Variants in COBLL1 observed in about 807,000 individuals in gnomAD.
COBLL1 encodes the protein cordon-bleu WH2 repeat protein like 1.
COBLL1 carries 50 observed loss-of-function variants against 94.8 expected under a neutral mutation model. The observed-to-expected ratio is 0.53, with a 90% CI of 0.42 to 0.67. The LOEUF is 0.67. Among genes scored for constraint, COBLL1 ranks in the 30% least tolerant of loss-of-function variants. The pLI is 0.00. For missense variants in COBLL1, 1,362 were observed against 1,348.7 expected (o/e 1.01, Z -0.15); for synonymous variants, 448 against 473.8 (o/e 0.95, Z 0.71).
At chr2:164,686,148 C>A in intron 13 of COBLL1, 116 bp from the exon 14 acceptor site, 1 of 504,084 alleles carries the variant, frequency 2.0e-6, no homozygotes, top group Non-Finnish European at 3.6e-6. Context: ...TGATAAGTAT[C>A]TATTATTCAA....
chr2:164,771,063 TTTC>T (rs1688178838), intron 2 of COBLL1, among the ~76,000 whole-genome samples: 1 of 152,102 alleles, frequency 6.6e-6, no homozygotes, highest in African/African-American at 2.4e-5. Context: ...CTTACAATAT[TTTC>T]TTAATTGCCT....
intron 7 of COBLL1, chr2:164,721,842 T>G (rs1186732353): frequency 3.5e-6 from 1 of 285,948 alleles, no homozygotes; most frequent in African/African-American, 2.2e-5. Context: ...TTACTTAAAA[T>G]GGACATTTAT....
In COBLL1 at chr2:164,695,327, C is replaced by T. The variant is rs2105431632; in HGVS notation, c.2065G>A (p.Val689Ile). 6.2e-7 allele frequency: 1 copy of T among 1,613,878 alleles called. No individual in the cohort carries two copies. The highest frequency in any genetic ancestry group is 1.3e-5 in the African/African-American group (1 of 74,988). The change falls in exon 12 of 14, where the codon GTA (valine) becomes ATA (isoleucine). Residue 689 changes from valine (V) to isoleucine (I), a missense_variant. Transcript: ENST00000652658. ...AHGNDDLLPP[V>I]DRIDKNSTAS... The stretch of plus-strand genomic sequence containing the variant: ...GTGGAATTTTTGTCAATCCTATCTA[C>T]AGGAGGCAAAAGATCATCATTACCA...
rs71028444 is a variant in COBLL1 at position 164,805,337 on chromosome 2, C to CTATATATATATATATA, written c.41+35803_41+35818dup. ...TCTCTCTCTCTCTCTCTCTCTCTCT[C>CTATATATATATATATA]TATATATATATATATATATATATAT... On this transcript the variant is annotated intron_variant, in intron 2 of 13. Transcript: ENST00000652658. Among the ~76,000 whole-genome samples the CTATATATATATATATA allele has an allele frequency of 5.1e-3, 86 of 16,988 alleles. 6 individuals are homozygous for CTATATATATATATATA. The highest frequency in any genetic ancestry group is 0.012 in the Admixed American group (9 of 774). 11.1% of individuals were successfully genotyped at this position (16,988 alleles called of 152,430 possible). A position where few individuals can be genotyped will look rare whatever the true frequency, so the allele number is the denominator to read the frequency against.
At chr2:164,673,239 A>G (rs1691276331) in intron 1 of COBLL1, among the ~76,000 whole-genome samples, 1 of 152,208 alleles carries the variant, frequency 6.6e-6, no homozygotes, top group Admixed American at 6.5e-5. Context: ...ATAAATATAA[A>G]ATCAGAGAAC....
rs186121694 is a variant in COBLL1, at chr2:164,815,836, G to A, written c.41+25320C>T. Among the ~76,000 whole-genome samples, 488 of 152,198 alleles carry A rather than the reference G, an allele frequency of 3.2e-3. 2 individuals carry two copies. The highest frequency in any genetic ancestry group is 5.6e-3 in the Non-Finnish European group (379 of 68,012). The stretch of plus-strand genomic sequence containing the variant: ...CCTGACACGCACAAGAGAAAGGGAA[G>A]GGGTTAGAAAAAACACACAACTATT... On this transcript the variant is annotated intron_variant, in intron 2 of 13. Transcript: ENST00000652658.
intron 2 of COBLL1, among the ~76,000 whole-genome samples, chr2:164,832,454 A>C (rs950784937): frequency 6.6e-6 from 1 of 152,190 alleles, no homozygotes; most frequent in African/African-American, 2.4e-5. Context: ...ATTCGATCCT[A>C]TTTAAAGTCA....
intron 3 of COBLL1, among the ~76,000 whole-genome samples, chr2:164,735,196 A>G (rs1686234301): frequency 6.6e-6 from 1 of 152,170 alleles, no homozygotes; most frequent in Non-Finnish European, 1.5e-5. Flanking sequence ...TTTAGAGAAA[A>G]CAGTGATTAA....
intron 2 of COBLL1, among the ~76,000 whole-genome samples, chr2:164,753,525 C>A (rs958078779): frequency 6.6e-6 from 1 of 152,060 alleles, no homozygotes; most frequent in African/African-American, 2.4e-5. Flanking sequence ...CTTTCAAGTA[C>A]CTTGTCATTA....
chr2:164,733,094 T>C (rs536312011), intron 3 of COBLL1, among the ~76,000 whole-genome samples: 1 of 152,296 alleles, frequency 6.6e-6, no homozygotes, highest in Non-Finnish European at 1.5e-5. Flanking sequence ...AAAAAATTAT[T>C]AAAGTTTTGT....
intron 3 of COBLL1, among the ~76,000 whole-genome samples, chr2:164,730,904 T>G (rs569075753): frequency 6.6e-6 from 1 of 152,308 alleles, no homozygotes; most frequent in Admixed American, 6.5e-5. Flanking sequence ...GTAGTACAAA[T>G]TCTTTAATCA....
At chr2:164,708,716 C>T (rs1466535381) in intron 7 of COBLL1, among the ~76,000 whole-genome samples, 2 of 152,212 alleles carry the variant, frequency 1.3e-5, no homozygotes, top group African/African-American at 4.8e-5. Context: ...ATGCTCCACT[C>T]CTATGGCAGA....
intron 2 of COBLL1, among the ~76,000 whole-genome samples, chr2:164,805,335 C>CTA (rs1268003621): frequency 1.3e-3 from 26 of 19,834 alleles, no homozygotes; most frequent in East Asian, 1.9e-3. Context: ...CTCTCTCTCT[C>CTA]TCTATATATA....
chr2:164,786,676 T>G (rs1688973844), intron 2 of COBLL1, among the ~76,000 whole-genome samples: 1 of 152,120 alleles, frequency 6.6e-6, no homozygotes, highest in Non-Finnish European at 1.5e-5. Flanking sequence ...CCTGTCTCCC[T>G]CAGGAGACAG....
chr2:164,773,475 C>T (rs989107271), intron 2 of COBLL1, among the ~76,000 whole-genome samples: 1 of 151,970 alleles, frequency 6.6e-6, no homozygotes, highest in African/African-American at 2.4e-5. Context: ...ATTACATATA[C>T]ATTTAATGCA....
chr2:164,753,760 AAGAC>A (rs1687248570), intron 2 of COBLL1, among the ~76,000 whole-genome samples: 1 of 117,790 alleles, frequency 8.5e-6, no homozygotes, highest in Non-Finnish European at 1.8e-5. Context: ...TTTTTTTTTT[AAGAC>A]AGAGGCTCAC....
At chr2:164,736,068 C>T (rs1260838777) in intron 3 of COBLL1, among the ~76,000 whole-genome samples, 1 of 151,872 alleles carries the variant, frequency 6.6e-6, no homozygotes, top group African/African-American at 2.4e-5. Context: ...TTTTTTAAGA[C>T]TCTAAAAGCT....
chr2:164,791,933 C>G (rs1683209382), intron 2 of COBLL1, among the ~76,000 whole-genome samples: 1 of 151,184 alleles, frequency 6.6e-6, no homozygotes, highest in Non-Finnish European at 1.5e-5. Flanking sequence ...TAAAAACTGA[C>G]TGATCATACA....
intron 2 of COBLL1, among the ~76,000 whole-genome samples, chr2:164,777,314 T>C (rs930473291): frequency 6.7e-6 from 1 of 148,534 alleles, no homozygotes; most frequent in Non-Finnish European, 1.5e-5. Flanking sequence ...AGAACAAAAA[T>C]TCACTAAATC....
Sources: gnomAD v4.1 joint callset for allele counts (sites outside exome capture counted in the v4.1 genomes callset) on GRCh38, gnomAD v4.1.1 for gene constraint, MANE v1.5 for transcripts, NCBI Gene and HGNC (gene_info 2026-07-23, HGNC 2026-07-21) for gene names.